The following LMBR1 variants were observed in gnomAD, a reference collection of about 807,000 sequenced individuals.
LMBR1 encodes limb development membrane protein 1, also known as limb region 1 protein homolog.
LMBR1 carries 52 observed loss-of-function variants against 73.9 expected under a neutral mutation model. That is an observed-to-expected ratio of 0.70 (90% CI 0.56 to 0.89). The LOEUF is 0.89. LMBR1 is among the 40% of genes least tolerant of loss of function. The probability of loss-of-function intolerance (pLI) is 0.00; values close to 1 mark genes in which losing one functional copy is unlikely to be tolerated. For missense variants in LMBR1, 539 were observed against 579.8 expected, an observed-to-expected ratio of 0.93 and a Z score of 0.72; for synonymous variants, 215 against 209.4, an observed-to-expected ratio of 1.03 and a Z score of -0.23.
intron 5 of LMBR1, among the ~76,000 whole-genome samples, chr7:156,787,964 A>T (rs1828454806): frequency 6.6e-6 from 1 of 152,198 alleles, no homozygotes; most frequent in South Asian, 2.1e-4. Flanking sequence ...TTTAGTAGAG[A>T]CAGTGTTTCA....
intron 1 of LMBR1, among the ~76,000 whole-genome samples, chr7:156,853,302 T>C (rs1377451604): frequency 3.3e-5 from 5 of 151,946 alleles, no homozygotes; most frequent in Non-Finnish European, 7.4e-5. Flanking sequence ...ATTTCACTAA[T>C]ATATTGTAAT....
intron 5 of LMBR1, among the ~76,000 whole-genome samples, chr7:156,769,160 C>A (rs1824706429): frequency 6.6e-6 from 1 of 152,124 alleles, no homozygotes; most frequent in African/African-American, 2.4e-5. Flanking sequence ...AGCCCAAACA[C>A]CCTACTCAAA....
At chr7:156,730,522 C>T (rs377123079) in intron 10 of LMBR1, among the ~76,000 whole-genome samples, 38 of 152,292 alleles carry the variant, frequency 2.5e-4, no homozygotes, top group African/African-American at 8.9e-4. Flanking sequence ...TAGACTGATA[C>T]GTCCCTACCG....
At chr7:156,742,647 G>A (rs137873159) in intron 9 of LMBR1, among the ~76,000 whole-genome samples, 2 of 152,142 alleles carry the variant, frequency 1.3e-5, no homozygotes, top group East Asian at 3.9e-4. Context: ...AAAACCTCAG[G>A]ACCTGGTGGC....
intron 3 of LMBR1, among the ~76,000 whole-genome samples, chr7:156,831,713 T>C (rs1163507423): frequency 6.6e-6 from 1 of 152,218 alleles, no homozygotes; most frequent in Non-Finnish European, 1.5e-5. Context: ...AAGATGCTCC[T>C]GGGCATCTAC....
intron 15 of LMBR1, among the ~76,000 whole-genome samples, chr7:156,696,181 G>A (rs1204613556): frequency 6.6e-6 from 1 of 152,080 alleles, no homozygotes; most frequent in African/African-American, 2.4e-5. Flanking sequence ...GACATCAAAA[G>A]CACAATCCAT....
chr7:156,873,538 T>C (rs1488068324), intron 1 of LMBR1, among the ~76,000 whole-genome samples: 2 of 152,150 alleles, frequency 1.3e-5, no homozygotes, highest in Non-Finnish European at 2.9e-5. Context: ...ATCCTGCTGA[T>C]TCGTAGAGCC....
At chr7:156,796,610 C>T (rs1052033689) in intron 4 of LMBR1, 118 bp from the exon 5 acceptor site, 22 of 537,362 alleles carry the variant, frequency 4.1e-5, no homozygotes, top group Admixed American at 2.0e-4. Flanking sequence ...ATGACCTAAA[C>T]TTAGAAATCA....
intron 1 of LMBR1, 70 bp downstream of exon 1, chr7:156,892,858 G>C (rs1238475033): frequency 2.4e-6 from 3 of 1,239,402 alleles, no homozygotes; most frequent in Non-Finnish European, 3.2e-6. Flanking sequence ...GGGACCGGGG[G>C]CCCGGGGGCG....
At chr7:156,710,096 G>A (rs767394363) in intron 15 of LMBR1, among the ~76,000 whole-genome samples, 34 of 151,712 alleles carry the variant, frequency 2.2e-4, no homozygotes, top group Non-Finnish European at 4.6e-4. Context: ...TAGTAGAGAC[G>A]GGGTTTCACC....
chr7:156,862,162 G>A (rs1029149856), intron 1 of LMBR1, among the ~76,000 whole-genome samples: 2 of 152,198 alleles, frequency 1.3e-5, no homozygotes, highest in Admixed American at 6.5e-5. Context: ...AGTTCCACAT[G>A]GCTGGAGAGG....
At chr7:156,692,062 T>C (rs1467755822) in intron 15 of LMBR1, among the ~76,000 whole-genome samples, 1 of 152,190 alleles carries the variant, frequency 6.6e-6, no homozygotes, top group Admixed American at 6.5e-5. Context: ...AAGATGATGC[T>C]GTTGAAGCAA....
chr7:156,692,180 G>C (rs942341561), intron 15 of LMBR1, among the ~76,000 whole-genome samples: 1 of 152,102 alleles, frequency 6.6e-6, no homozygotes, highest in Non-Finnish European at 1.5e-5. Context: ...GGGTTCAAGC[G>C]ATTTTCCTGC....
Position 156,836,950 on chromosome 7 carries a change from T to C in LMBR1, c.67-65A>G, listed in dbSNP as rs956317014. The C allele has an allele frequency of 9.2e-6, 9 of 973,508 alleles. No individual in the cohort carries two copies. In the African/African-American group the frequency reaches 1.0e-4, roughly 11 times the overall value. 60.3% of individuals were successfully genotyped at this position (973,508 alleles called of 1,614,324 possible). A position where few individuals can be genotyped will look rare whatever the true frequency, so the allele number is the denominator to read the frequency against. On this transcript the variant is annotated intron_variant, in intron 1 of 16. Transcript: ENST00000353442. ...CATATCTTTTTTAAATACTAGAAGATATATCTGTGATATTTATAGGAAAAA... is the reference window on the plus strand; with the variant it reads ...CATATCTTTTTTAAATACTAGAAGACATATCTGTGATATTTATAGGAAAAA...
chr7:156,751,422 C>T (rs1235541312), intron 9 of LMBR1, among the ~76,000 whole-genome samples: 1 of 152,120 alleles, frequency 6.6e-6, no homozygotes, highest in Non-Finnish European at 1.5e-5. Flanking sequence ...AGACAGCAGG[C>T]ATCAGACATG....
intron 8 of LMBR1, among the ~76,000 whole-genome samples, chr7:156,761,013 G>T (rs1452186566): frequency 3.3e-5 from 5 of 152,236 alleles, no homozygotes; most frequent in African/African-American, 1.2e-4. Flanking sequence ...TGATATTTGA[G>T]CTAGGCCGTA....
At chr7:156,767,964 G>A (rs746303162) in intron 5 of LMBR1, among the ~76,000 whole-genome samples, 23 of 152,228 alleles carry the variant, frequency 1.5e-4, no homozygotes, top group Admixed American at 3.3e-4. Flanking sequence ...AACATTAAAT[G>A]GGATAAAGTA....
At chr7:156,829,791 TCTC>T (rs1015912704) in intron 3 of LMBR1, among the ~76,000 whole-genome samples, 19 of 151,990 alleles carry the variant, frequency 1.3e-4, no homozygotes, top group Non-Finnish European at 2.4e-4. Context: ...ACACAATTAT[TCTC>T]CTATCTGTCA....
intron 4 of LMBR1, among the ~76,000 whole-genome samples, chr7:156,810,009 C>A (rs774565546): frequency 2.6e-5 from 4 of 152,026 alleles, no homozygotes; most frequent in African/African-American, 4.8e-5. Flanking sequence ...ATCACTGATA[C>A]CCTGTGTGTT....
Sources: gnomAD v4.1 joint callset for allele counts (sites outside exome capture counted in the v4.1 genomes callset) on GRCh38, gnomAD v4.1.1 for gene constraint, MANE v1.5 for transcripts, NCBI Gene and HGNC (gene_info 2026-07-23, HGNC 2026-07-21) for gene names.